Variants in USP43 observed in about 807,000 individuals in gnomAD.
The protein encoded by USP43 is ubiquitin carboxyl-terminal hydrolase 43.
USP43 carries 33 observed loss-of-function variants against 90.7 expected under a neutral mutation model. The ratio of observed to expected loss-of-function variants is 0.36; its 90% CI spans 0.28 to 0.49. USP43 has a LOEUF of 0.49. Among genes scored for constraint, USP43 ranks in the 20% least tolerant of loss-of-function variants. The probability of loss-of-function intolerance (pLI) is 0.98; values close to 1 mark genes in which losing one functional copy is unlikely to be tolerated. For missense variants in USP43, 1,274 were observed against 1,476.4 expected (o/e 0.86, Z 2.25); for synonymous variants, 598 against 615.8 (o/e 0.97, Z 0.43).
intron 8 of USP43, among the ~76,000 whole-genome samples, chr17:9,690,778 G>A (rs1055298816): frequency 1.3e-5 from 2 of 151,994 alleles, no homozygotes; most frequent in Non-Finnish European, 2.9e-5. Flanking sequence ...CCAGCTACTC[G>A]GGAGGCTGAG....
intron 6 of USP43, among the ~76,000 whole-genome samples, chr17:9,681,456 A>AAT (rs1348059762): frequency 5.2e-5 from 2 of 38,194 alleles, no homozygotes; most frequent in Non-Finnish European, 8.8e-5. Context: ...ATATATATAA[A>AAT]ATATATTATA....
intron 5 of USP43, 38 bp downstream of exon 5, chr17:9,676,919 A>G (rs1913824250): frequency 2.5e-6 from 4 of 1,600,392 alleles, no homozygotes; most frequent in Non-Finnish European, 3.4e-6. Context: ...TCATTGGATG[A>G]TAGAATGCTA....
Position 9,700,316 on chromosome 17 carries a change from G to A in USP43, c.1535+67G>A, listed in dbSNP as rs538853598. 341 of 1,483,774 alleles carry A rather than the reference G, an allele frequency of 2.3e-4. 2 individuals carry two copies. The East Asian group carries it at 8.4e-3, about 37-fold the overall frequency. The allele number at this position is 1,483,774 out of a possible 1,614,324, so 91.9% of individuals were successfully genotyped here. A position where few individuals can be genotyped will look rare whatever the true frequency, so the allele number is the denominator to read the frequency against. On this transcript the variant is annotated intron_variant, in intron 10 of 14. Coordinates refer to ENST00000285199, the MANE Select transcript of USP43 (RefSeq NM_153210.5). The stretch of plus-strand genomic sequence containing the variant: ...GCCTGTGTGTGCCCAGGTTTCCCTG[G>A]ACGCAGCTTCCCCCAGCACGGCTGC...
Position 9,646,022 on chromosome 17 carries a change from G to A in USP43, c.390G>A (p.Ala130=). ...SNTDLLAEFL[A]LGRYRAAPGR... is the part of the protein sequence containing the mutation. ...CCGACCTGCTGGCCGAGTTCCTGGC[G>A]CTGGGGCGCTACCGGGCGGCTCCGG... Residue 130 remains alanine, a synonymous_variant, in exon 1 of 15, where the codon GCG becomes GCA. Transcript: ENST00000285199. The A allele has an allele frequency of 6.7e-7, 1 of 1,487,540 alleles. No homozygotes were observed. Among genetic ancestry groups the A allele is most frequent in the Non-Finnish European group, 8.9e-7 (1 of 1,121,060 alleles). 92.1% of individuals were successfully genotyped at this position (1,487,540 alleles called of 1,614,324 possible).
At chr17:9,719,406 G>A (rs1250381646) in intron 14 of USP43, among the ~76,000 whole-genome samples, 1 of 152,152 alleles carries the variant, frequency 6.6e-6, no homozygotes, top group Non-Finnish European at 1.5e-5. Context: ...CTGGGGGAGG[G>A]ATGATAACTG....
chr17:9,713,934 G>A (rs1030655141), intron 14 of USP43, among the ~76,000 whole-genome samples: 5 of 152,118 alleles, frequency 3.3e-5, no homozygotes, highest in South Asian at 2.1e-4. Flanking sequence ...ACCAGGGACC[G>A]GTTTCATGGA....
rs372530267 is a variant in USP43, at chr17:9,645,698, C to A, written c.66C>A (p.Arg22=). The A allele has an allele frequency of 2.3e-4, 302 of 1,311,138 alleles. 1 individual carries two copies. The East Asian group carries it at 7.1e-3, about 31-fold the overall frequency. The allele number at this position is 1,311,138 out of a possible 1,614,324, so 81.2% of individuals were successfully genotyped here. A position where few individuals can be genotyped will look rare whatever the true frequency, so the allele number is the denominator to read the frequency against. ...TCGCGCCCCGGCCCCGCCGCCGCCG[C>A]TCCCTGCGCCGCCTGTTCAGCCGCT... ...GPLAPRPRRR[R]SLRRLFSRFL... The change falls in exon 1 of 15, where the codon CGC becomes CGA. Residue 22 remains arginine (R), a synonymous_variant. Transcript: ENST00000285199. This position sits in a 1 kb window ranked among gnomAD's most constrained non-coding sequence, Gnocchi z 6.8.
chr17:9,722,708 A>G (rs1917032563), intron 14 of USP43, among the ~76,000 whole-genome samples: 1 of 152,202 alleles, frequency 6.6e-6, no homozygotes, highest in African/African-American at 2.4e-5. Flanking sequence ...GATGAGAAAT[A>G]TATAACACAT....
chr17:9,688,919 G>T (rs537180785), intron 8 of USP43, among the ~76,000 whole-genome samples: 6 of 151,966 alleles, frequency 3.9e-5, no homozygotes, highest in Non-Finnish European at 8.8e-5. Context: ...GAACTCCCGG[G>T]CTCAGTTGAT....
chr17:9,652,883 C>A (rs1351934525), intron 1 of USP43, among the ~76,000 whole-genome samples: 1 of 152,104 alleles, frequency 6.6e-6, no homozygotes, highest in East Asian at 1.9e-4. Flanking sequence ...GTATTTTCTG[C>A]TCTTTTATTT....
chr17:9,697,790 G>A (rs997021598), intron 9 of USP43, among the ~76,000 whole-genome samples: 1 of 151,630 alleles, frequency 6.6e-6, no homozygotes, highest in Non-Finnish European at 1.5e-5. Context: ...CTAGTGATGT[G>A]ACAAACGTGT....
intron 1 of USP43, among the ~76,000 whole-genome samples, chr17:9,649,022 ACT>A (rs1175138654): frequency 7.2e-6 from 1 of 139,396 alleles, no homozygotes; most frequent in African/African-American, 2.7e-5. Flanking sequence ...AGAGAGTGTC[ACT>A]CTGTCACCCA....
Position 9,701,989 on chromosome 17 carries a change from G to T in USP43, c.2011+289G>T, listed in dbSNP as rs1437544027. 6.6e-6 allele frequency among the ~76,000 whole-genome samples: 1 copy of T among 152,226 alleles called. No homozygotes were observed. Among genetic ancestry groups the T allele is most frequent in the Non-Finnish European group, 1.5e-5 (1 of 68,040 alleles). On this transcript the variant is annotated intron_variant, in intron 12 of 14. Transcript: ENST00000285199. The surrounding 1 kb of genome is among the most constrained non-coding windows in gnomAD (Gnocchi z 7.2). ...ATAGGCAGGGCACGGTAGTGTGGCT[G>T]TCTCGCACCATGTGCGAGAGCAGAA...
At chr17:9,699,400 T>C (rs565921272) in intron 9 of USP43, among the ~76,000 whole-genome samples, 1 of 152,346 alleles carries the variant, frequency 6.6e-6, no homozygotes, top group African/African-American at 2.4e-5. Context: ...CTCAGACCTG[T>C]CCATGCTCAG....
intron 2 of USP43, among the ~76,000 whole-genome samples, chr17:9,662,512 TG>T (rs1435010364): frequency 6.6e-6 from 1 of 152,162 alleles, no homozygotes; most frequent in East Asian, 1.9e-4. Context: ...CTCCCACAGT[TG>T]GGGGCCGAGT....
rs1438365731 is a variant in USP43 at position 9,656,393 on chromosome 17, T to C, written c.505-10T>C. The C allele has an allele frequency of 4.3e-6, 7 of 1,609,806 alleles. No homozygotes were observed. Among genetic ancestry groups the C allele is most frequent in the Non-Finnish European group, 5.9e-6 (7 of 1,178,118 alleles). On this transcript the variant is annotated splice_polypyrimidine_tract_variant and intron_variant, in intron 1 of 14. Transcript: ENST00000285199. ...CAAATTCACCTCTCGATTTCCTTTT[T>C]TCCTTTCAGAATGCAGTTTCCAAGT...
chr17:9,675,059 A>C (rs1399499204), intron 4 of USP43, 76 bp downstream of exon 4: 212 of 1,278,838 alleles, frequency 1.7e-4, no homozygotes, highest in Middle Eastern at 1.9e-4. Context: ...CTGGCCTCAC[A>C]CCTGCCATTT....
intron 6 of USP43, among the ~76,000 whole-genome samples, chr17:9,681,878 G>T (rs1914311780): frequency 6.6e-6 from 1 of 152,134 alleles, no homozygotes; most frequent in African/African-American, 2.4e-5. Flanking sequence ...ATTTTGGCCA[G>T]CCTAGGTAGC....
chr17:9,727,549 G>C (rs1284040680), intron 14 of USP43, among the ~76,000 whole-genome samples: 2 of 151,114 alleles, frequency 1.3e-5, no homozygotes, highest in African/African-American at 4.9e-5. Flanking sequence ...TGAGATTCTT[G>C]CATTTGAAAG....
Sources: allele counts gnomAD v4.1 joint callset (sites outside exome capture counted in the v4.1 genomes callset), GRCh38; gene constraint gnomAD v4.1.1; non-coding constraint Gnocchi (gnomAD v3.1); transcripts MANE v1.5; gene names NCBI Gene and HGNC (gene_info 2026-07-23, HGNC 2026-07-21).